GSG1L: variants seen among roughly 807,000 people sequenced by gnomAD.
GSG1L encodes the protein germ cell-specific gene 1-like protein.
Under a neutral mutation model 42.1 loss-of-function variants are expected in GSG1L, and 24 were observed. The ratio of observed to expected loss-of-function variants is 0.57; its 90% CI spans 0.41 to 0.80. The LOEUF (loss-of-function observed/expected upper bound fraction) is 0.80, where lower values mean the gene tolerates loss of function less well. Ranked by LOEUF, GSG1L falls within the 30% of genes least tolerant of loss-of-function variation. The pLI, the probability that GSG1L is intolerant of heterozygous loss-of-function variation, is 0.00. For synonymous variants in GSG1L, 215 were observed against 203.5 expected (o/e 1.06, Z -0.48); for missense variants, 445 against 472.2 (o/e 0.94, Z 0.53).
At chr16:27,888,482 CCTTTCTTTCTTTCTTTCTTTCTTT>C (rs57811717) in intron 2 of GSG1L, among the ~76,000 whole-genome samples, 1,510 of 68,250 alleles carry the variant, frequency 0.022, 53 homozygotes, top group Non-Finnish European at 0.025. Context: ...CTCTCTCTTT[CCTTTCTTTCTTTCTTTCTTTCTTT>C]CTTTCTTTCT....
intron 1 of GSG1L, among the ~76,000 whole-genome samples, chr16:28,020,635 A>G (rs1477753439): frequency 6.6e-6 from 1 of 152,142 alleles, no homozygotes; most frequent in Non-Finnish European, 1.5e-5. Context: ...CCTCTGTCAC[A>G]TTGAATCAGG....
intron 3 of GSG1L, among the ~76,000 whole-genome samples, chr16:27,849,197 C>CCAA (rs749482143): frequency 8.8e-6 from 1 of 113,628 alleles, no homozygotes; most frequent in African/African-American, 3.3e-5. Flanking sequence ...GCCTCTATCC[C>CCAA]AAAAAGAAAA....
chr16:27,884,469 G>T lies in GSG1L; in HGVS notation c.550+17C>A. 2 of 1,609,356 alleles carry T rather than the reference G, an allele frequency of 1.2e-6. No individual in the cohort carries two copies. The highest frequency in any genetic ancestry group is 1.1e-5 in the South Asian group (1 of 90,426). On this transcript the variant is annotated intron_variant, in intron 3 of 6. Transcript: ENST00000447459. The surrounding 1 kb of genome is among the most constrained non-coding windows in gnomAD (Gnocchi z 4.4). Reference sequence around the variant, plus strand: ...TCGCCTGTGCTCTGAGAGGCCACAGGACCAGCCATGCCTTACCTGAGAGCA... The same window carrying T: ...TCGCCTGTGCTCTGAGAGGCCACAGTACCAGCCATGCCTTACCTGAGAGCA...
intron 2 of GSG1L, among the ~76,000 whole-genome samples, chr16:27,946,604 AGAGAGAGAGAGAGAGAGAGAGAGAG>A (rs2084867475): frequency 1.2e-3 from 8 of 6,480 alleles, no homozygotes; most frequent in African/African-American, 3.7e-3. Context: ...AGAGAGAGAG[AGAGAGAGAGAGAGAGAGAGAGAGAG>A]AGAAAGAAAG....
At chr16:27,958,456 G>A (rs576376221) in intron 2 of GSG1L, among the ~76,000 whole-genome samples, 12 of 150,668 alleles carry the variant, frequency 8.0e-5, no homozygotes, top group African/African-American at 2.4e-4. Flanking sequence ...GTCATCATGC[G>A]ATAGAATATC....
intron 2 of GSG1L, among the ~76,000 whole-genome samples, chr16:27,941,350 T>C (rs1473741614): frequency 1.3e-5 from 2 of 151,444 alleles, no homozygotes. Context: ...GGCAAAAGAC[T>C]AAGCTATGAG....
Position 28,045,432 on chromosome 16 carries a change from G to A in GSG1L, c.349+17644C>T, listed in dbSNP as rs8049901. 4.9e-3 allele frequency among the ~76,000 whole-genome samples: 742 copies of A among 152,280 alleles called. 8 individuals are homozygous for A. The highest frequency in any genetic ancestry group is 0.016 in the African/African-American group (683 of 41,550). On this transcript the variant is annotated intron_variant, in intron 1 of 6. Coordinates refer to ENST00000447459, the MANE Select transcript of GSG1L (RefSeq NM_001109763.2). ...GGCTCACGCCTGTAATTCCAGCACT[G>A]TGGGAGGCCAAGGCAGGAAGATCAC...
At chr16:27,866,008 C>A (rs1251534310) in intron 3 of GSG1L, among the ~76,000 whole-genome samples, 2 of 152,030 alleles carry the variant, frequency 1.3e-5, no homozygotes, top group Admixed American at 6.5e-5. Context: ...GCCAAATACA[C>A]TCTTAGTTTC....
chr16:27,821,912 A>G (rs1256622697), intron 5 of GSG1L, among the ~76,000 whole-genome samples: 2 of 38,522 alleles, frequency 5.2e-5, no homozygotes, highest in Non-Finnish European at 9.6e-5. Flanking sequence ...AAAAAAGTAA[A>G]TAAATAAATA....
rs189122535 is a variant in GSG1L, at chr16:27,996,103, C to T, written c.350-32900G>A. 2.8e-3 allele frequency among the ~76,000 whole-genome samples: 420 copies of T among 152,200 alleles called. 3 individuals are homozygous for T. The highest frequency in any genetic ancestry group is 9.3e-3 in the African/African-American group (387 of 41,566). The stretch of plus-strand genomic sequence containing the variant: ...CCCATACCAACCCAGTCCTAAACAG[C>T]GCCCTCTCTCTCTCTCTGTCACTCA... On this transcript the variant is annotated intron_variant, in intron 1 of 6. Transcript: ENST00000447459.
chr16:27,950,117 C>T (rs2084934943), intron 2 of GSG1L, among the ~76,000 whole-genome samples: 1 of 152,180 alleles, frequency 6.6e-6, no homozygotes, highest in African/African-American at 2.4e-5. Context: ...AACCCTACGC[C>T]ATCATAGATC....
At chr16:27,852,123 A>C (rs560402043) in intron 3 of GSG1L, among the ~76,000 whole-genome samples, 1 of 152,256 alleles carries the variant, frequency 6.6e-6, no homozygotes, top group Non-Finnish European at 1.5e-5. Context: ...ATTACTAAAG[A>C]TGCTAAGTTA....
At chr16:28,031,420 G>T (rs2085962968) in intron 1 of GSG1L, among the ~76,000 whole-genome samples, 1 of 150,160 alleles carries the variant, frequency 6.7e-6, no homozygotes, top group Non-Finnish European at 1.5e-5. Flanking sequence ...TGGGATGATG[G>T]GATGGGTTGG....
chr16:27,883,980 G>A (rs1193816210), intron 3 of GSG1L, among the ~76,000 whole-genome samples: 2 of 152,232 alleles, frequency 1.3e-5, no homozygotes, highest in African/African-American at 4.8e-5. Context: ...GCTTCCGGAT[G>A]TGTTTGATCA....
chr16:27,804,091 G>A (rs1451712741), intron 6 of GSG1L, among the ~76,000 whole-genome samples: 1 of 133,432 alleles, frequency 7.5e-6, no homozygotes, highest in East Asian at 2.1e-4. Flanking sequence ...AAAGAAATAG[G>A]GAGGGACAGA....
chr16:27,813,346 G>T (rs532261245), intron 5 of GSG1L, among the ~76,000 whole-genome samples: 213 of 152,236 alleles, frequency 1.4e-3, no homozygotes, highest in Non-Finnish European at 2.6e-3. Flanking sequence ...TTCCTGCGTT[G>T]GTTTGCTAAG....
chr16:27,911,381 C>G (rs1475994421), intron 2 of GSG1L, among the ~76,000 whole-genome samples: 1 of 152,118 alleles, frequency 6.6e-6, no homozygotes, highest in Non-Finnish European at 1.5e-5. Flanking sequence ...ACCTCCGCCT[C>G]CCAGGTTCAA....
intron 3 of GSG1L, among the ~76,000 whole-genome samples, chr16:27,874,633 A>T (rs2083864882): frequency 6.6e-6 from 1 of 151,858 alleles, no homozygotes; most frequent in Non-Finnish European, 1.5e-5. Context: ...AGCTTCCTGG[A>T]TGGTGAACAC....
rs1301065911 is a variant in GSG1L at position 27,828,730 on chromosome 16, G to T, written c.830+59C>A. ...TGACTGGGGCCCGGTGGCCACTGAG[G>T]CCAGGCCGTGGGCTTTAGAGTCCCC... On this transcript the variant is annotated intron_variant, in intron 5 of 6. Coordinates refer to ENST00000447459, the MANE Select transcript of GSG1L (RefSeq NM_001109763.2). 3 of 1,537,046 alleles carry T rather than the reference G, an allele frequency of 2.0e-6. No homozygotes were observed. In the African/African-American group the frequency reaches 4.1e-5, roughly 21 times the overall value.
Sources: gnomAD v4.1 joint callset for allele counts (sites outside exome capture counted in the v4.1 genomes callset) on GRCh38, gnomAD v4.1.1 for gene constraint, Gnocchi (gnomAD v3.1) non-coding constraint, MANE v1.5 for transcripts, NCBI Gene and HGNC (gene_info 2026-07-23, HGNC 2026-07-21) for gene names.